The following FAM120A variants were observed in gnomAD, a reference collection of about 807,000 sequenced individuals.
The protein encoded by FAM120A is family with sequence similarity 120 member A.
Under a neutral mutation model 109.7 loss-of-function variants are expected in FAM120A, and 15 were observed. The observed-to-expected ratio is 0.14, with a 90% CI of 0.09 to 0.21. The LOEUF is 0.21. Among genes scored for constraint, FAM120A ranks in the 10% least tolerant of loss-of-function variants. The pLI, the probability that FAM120A is intolerant of heterozygous loss-of-function variation, is 1.00. For synonymous variants in FAM120A, 493 were observed against 572.8 expected, an observed-to-expected ratio of 0.86 and a Z score of 1.99; for missense variants, 899 against 1,439.3, an observed-to-expected ratio of 0.62 and a Z score of 6.07.
At chr9:93,531,959 T>G (rs1861346691) in intron 9 of FAM120A, among the ~76,000 whole-genome samples, 196 bp from the exon 10 acceptor site, 1 of 152,244 alleles carries the variant, frequency 6.6e-6, no homozygotes, top group African/African-American at 2.4e-5. Flanking sequence ...ATTTTGATTC[T>G]TTGAGCATAT....
At position 93,494,100 on chromosome 9, in the gene FAM120A, C is replaced by T. The variant is rs140709023; in HGVS notation, c.805-3371C>T. Among the ~76,000 whole-genome samples, 369 of 152,312 alleles carry T rather than the reference C, an allele frequency of 2.4e-3. 1 individual carries two copies. The highest frequency in any genetic ancestry group is 8.2e-3 in the African/African-American group (339 of 41,558). On this transcript the variant is annotated intron_variant, in intron 3 of 17. Transcript: ENST00000277165. ...GTGGACTCCTACTGAGGCCCCATCACGGGTTCTTAGTGCAGTTCAGGCAGA... is the reference window on the plus strand; with the variant it reads ...GTGGACTCCTACTGAGGCCCCATCATGGGTTCTTAGTGCAGTTCAGGCAGA...
intron 3 of FAM120A, among the ~76,000 whole-genome samples, chr9:93,481,750 C>T (rs866773880): frequency 1.2e-4 from 18 of 152,076 alleles, no homozygotes; most frequent in Non-Finnish European, 4.4e-5. Flanking sequence ...TAGGTTTAGT[C>T]GGTTTTACTC....
At chr9:93,499,316 A>G (rs1295393046) in intron 5 of FAM120A, among the ~76,000 whole-genome samples, 1 of 149,548 alleles carries the variant, frequency 6.7e-6, no homozygotes, top group Non-Finnish European at 1.5e-5. Context: ...TGAGCAGAGT[A>G]TTGCACTGTC....
At position 93,561,193 on chromosome 9, in the gene FAM120A, G is replaced by C; in HGVS notation, c.2891G>C (p.Arg964Pro). ...VGHWAGSRRG[R>P]GGRGPFPLQV... is the part of the protein sequence containing the mutation. The stretch of plus-strand genomic sequence containing the variant: ...CATTGGGCTGGGAGCAGGCGGGGCC[G>C]TGGGGGCCGGGGGCCTTTCCCCCTG... The change falls in exon 16 of 18, where the codon CGT becomes CCT. Residue 964 changes from arginine to proline, a missense_variant. Physicochemically the swap from Arg to Pro is moderately radical, Grantham distance 103. Transcript: ENST00000277165. 1.2e-6 allele frequency: 2 copies of C among 1,613,630 alleles called. No individual in the cohort carries two copies. The highest frequency in any genetic ancestry group is 1.7e-6 in the Non-Finnish European group (2 of 1,179,888).
intron 9 of FAM120A, chr9:93,530,598 A>C (rs1032715949): frequency 2.0e-5 from 3 of 152,216 alleles, no homozygotes; most frequent in Non-Finnish European, 2.9e-5. Flanking sequence ...CAGATCCTTT[A>C]ATTTATTTTT....
At chr9:93,518,866 A>G (rs1486176985) in intron 7 of FAM120A, among the ~76,000 whole-genome samples, 2 of 152,250 alleles carry the variant, frequency 1.3e-5, no homozygotes, top group Admixed American at 6.5e-5. Flanking sequence ...GGCCGCACGC[A>G]GCACAGGATG....
intron 13 of FAM120A, among the ~76,000 whole-genome samples, chr9:93,557,037 G>T (rs1221903631): frequency 6.6e-6 from 1 of 151,888 alleles, no homozygotes; most frequent in Non-Finnish European, 1.5e-5. Context: ...TTCTCTGTAA[G>T]GCACATCACA....
intron 3 of FAM120A, among the ~76,000 whole-genome samples, chr9:93,495,087 C>G (rs761935193): frequency 6.6e-5 from 10 of 152,214 alleles, no homozygotes; most frequent in Non-Finnish European, 1.3e-4. Context: ...GGGGGGCCAG[C>G]AGCAGCTGAG....
Position 93,565,825 on chromosome 9 carries a change from A to G in FAM120A, c.*1285A>G, listed in dbSNP as rs1862613626. On this transcript the variant is annotated 3_prime_UTR_variant, in exon 18 of 18. Transcript: ENST00000277165. The stretch of plus-strand genomic sequence containing the variant: ...TTGATGTTTTTGTTAATGTTTCCAA[A>G]CAATGTACTTTGAAATCAGAATCAC... The G allele has an allele frequency of 6.6e-6, 1 of 152,638 alleles. No homozygotes were observed. The highest frequency in any genetic ancestry group is 2.4e-5 in the African/African-American group (1 of 41,452). The allele number at this position is 152,638 out of a possible 1,614,324, so 9.5% of individuals were successfully genotyped here.
At chr9:93,492,258 A>G (rs2131331537) in intron 3 of FAM120A, among the ~76,000 whole-genome samples, 1 of 152,324 alleles carries the variant, frequency 6.6e-6, no homozygotes, top group Admixed American at 6.5e-5. Flanking sequence ...ATATGCTTTT[A>G]TCATGTTAAA....
At position 93,500,439 on chromosome 9, in the gene FAM120A, C is replaced by T. The variant is rs1292526047; in HGVS notation, c.1030+1553C>T. Among the ~76,000 whole-genome samples the T allele has an allele frequency of 1.3e-5, 2 of 152,190 alleles. No individual in the cohort carries two copies. The highest frequency in any genetic ancestry group is 4.8e-5 in the African/African-American group (2 of 41,448). On this transcript the variant is annotated intron_variant, in intron 5 of 17. Coordinates refer to ENST00000277165, the MANE Select transcript of FAM120A (RefSeq NM_014612.5). This position sits in a 1 kb window ranked among gnomAD's most constrained non-coding sequence, Gnocchi z 4.6. ...GCCCTTCTGATTTGTGAGATCCAGGCTGTCGTGTTCTCCAAGGTCTGCCTG... is the reference window on the plus strand; with the variant it reads ...GCCCTTCTGATTTGTGAGATCCAGGTTGTCGTGTTCTCCAAGGTCTGCCTG...
At chr9:93,546,695 T>C (rs975022331) in intron 11 of FAM120A, among the ~76,000 whole-genome samples, 7 of 152,332 alleles carry the variant, frequency 4.6e-5, no homozygotes, top group African/African-American at 1.7e-4. Context: ...CTGAGCCATC[T>C]CCTCAGCACT....
intron 3 of FAM120A, among the ~76,000 whole-genome samples, chr9:93,493,678 C>T (rs1859437433): frequency 1.3e-5 from 2 of 152,208 alleles, no homozygotes; most frequent in South Asian, 4.1e-4. Flanking sequence ...TAGAATAAAA[C>T]AGGCAGGTGC....
chr9:93,547,498 G>A (rs1040346098), intron 11 of FAM120A, among the ~76,000 whole-genome samples: 34 of 152,150 alleles, frequency 2.2e-4, no homozygotes, highest in African/African-American at 8.2e-4. Flanking sequence ...GCAGTGAGAG[G>A]AGATGGGGTC....
In FAM120A at chr9:93,452,768, C is replaced by A. The variant is rs547451262; in HGVS notation, c.474+379C>A. On this transcript the variant is annotated intron_variant, in intron 1 of 17. Transcript: ENST00000277165. This position sits in a 1 kb window ranked among gnomAD's most constrained non-coding sequence, Gnocchi z 7.0. ...CAACTTTGACAAAATACTCCCTTTT[C>A]TAATTTAGCCTGTTCTTTCCCAGCA... 3 of 1,596,316 alleles carry A rather than the reference C, an allele frequency of 1.9e-6. No individual in the cohort carries two copies. In the African/African-American group the frequency reaches 4.0e-5, roughly 21 times the overall value.
chr9:93,559,916 G>A (rs998664148), intron 15 of FAM120A, among the ~76,000 whole-genome samples: 1 of 152,198 alleles, frequency 6.6e-6, no homozygotes, highest in African/African-American at 2.4e-5. Context: ...GCTCTGTTGA[G>A]CACTTAAGCT....
chr9:93,555,467 A>G (rs141219287), intron 12 of FAM120A, among the ~76,000 whole-genome samples: 1 of 152,248 alleles, frequency 6.6e-6, no homozygotes, highest in Non-Finnish European at 1.5e-5. Context: ...TTTACCTGCC[A>G]CATGTAGGCA....
At chr9:93,559,688 T>C (rs1467393752) in intron 15 of FAM120A, among the ~76,000 whole-genome samples, 1 of 152,212 alleles carries the variant, frequency 6.6e-6, no homozygotes, top group Non-Finnish European at 1.5e-5. Flanking sequence ...TCCTCTCTGC[T>C]TCTTGATTTG....
chr9:93,483,005 C>T (rs11791374), intron 3 of FAM120A, among the ~76,000 whole-genome samples: 41,026 of 152,128 alleles, frequency 0.27, 6,609 homozygotes, highest in East Asian at 0.43. Context: ...GCATTTACCA[C>T]GTAACCTTGC....
Sources: gnomAD v4.1 joint callset for allele counts (sites outside exome capture counted in the v4.1 genomes callset) on GRCh38, gnomAD v4.1.1 for gene constraint, Gnocchi (gnomAD v3.1) non-coding constraint, MANE v1.5 for transcripts, NCBI Gene and HGNC (gene_info 2026-07-23, HGNC 2026-07-21) for gene names.